Variants in PHF19 observed in about 807,000 individuals in gnomAD.
PHF19 encodes polycomb like 3.
A neutral mutation model predicts 79.8 loss-of-function variants in PHF19; 21 were observed. That is an observed-to-expected ratio of 0.26 (90% CI 0.19 to 0.38). PHF19 has a LOEUF of 0.38. Ranked by LOEUF, PHF19 falls within the 10% of genes least tolerant of loss-of-function variation. The probability of loss-of-function intolerance (pLI) is 1.00; values close to 1 mark genes in which losing one functional copy is unlikely to be tolerated. For missense variants in PHF19, 445 were observed against 744.2 expected (o/e 0.60, Z 4.68); for synonymous variants, 273 against 296.3 (o/e 0.92, Z 0.81).
chr9:120,885,073 G>C (rs2046244264), intron 1 of PHF19, among the ~76,000 whole-genome samples: 1 of 151,990 alleles, frequency 6.6e-6, no homozygotes, highest in Admixed American at 6.6e-5. Context: ...AAATAAATTA[G>C]CTGGGGTGGT....
At chr9:120,894,860 C>T in exon 1 of PHF19, 3 of 1,194,248 alleles carry the variant, frequency 2.5e-6, no homozygotes, top group African/African-American at 1.6e-5. Context: ...CATCCGGAGG[C>T]TTTGATGAAT....
In PHF19 at chr9:120,862,899, C is replaced by T; in HGVS notation, c.969-150G>A. Reference sequence around the variant, plus strand: ...CTGCAGATGCTGACTTCCTCAAAGCCCATGGGATGCGGGGTTCCAGGTAGC... The same window carrying T: ...CTGCAGATGCTGACTTCCTCAAAGCTCATGGGATGCGGGGTTCCAGGTAGC... On this transcript the variant is annotated intron_variant, in intron 10 of 14. Coordinates refer to ENST00000373896, the MANE Select transcript of PHF19 (RefSeq NM_015651.3). This position sits in a 1 kb window ranked among gnomAD's most constrained non-coding sequence, Gnocchi z 4.6. 1.4e-6 allele frequency: 1 copy of T among 695,764 alleles called. No homozygotes were observed. Among genetic ancestry groups the T allele is most frequent in the Non-Finnish European group, 2.5e-6 (1 of 404,592 alleles). 43.1% of individuals were successfully genotyped at this position (695,764 alleles called of 1,614,324 possible).
chr9:120,870,820 C>T lies in PHF19; in HGVS notation c.269-282G>A, dbSNP rs2045874275. 6.6e-6 allele frequency among the ~76,000 whole-genome samples: 1 copy of T among 152,202 alleles called. No homozygotes were observed. Among genetic ancestry groups the T allele is most frequent in the Admixed American group, 6.5e-5 (1 of 15,278 alleles). ...GACATCAAACCCTTTGTTCTTTTGA[C>T]ACATCATGCTGCCTCTCCCGCCTTA... On this transcript the variant is annotated intron_variant, in intron 3 of 14. Transcript: ENST00000373896. This position sits in a 1 kb window ranked among gnomAD's most constrained non-coding sequence, Gnocchi z 4.4.
chr9:120,871,848 C>T (rs1487670544), intron 3 of PHF19, among the ~76,000 whole-genome samples: 1 of 151,550 alleles, frequency 6.6e-6, no homozygotes, highest in Non-Finnish European at 1.5e-5. Flanking sequence ...GACCAGCCTG[C>T]CCAATAGGGT....
intron 1 of PHF19, among the ~76,000 whole-genome samples, chr9:120,884,660 C>A (rs1275609002): frequency 2.0e-5 from 3 of 151,732 alleles, no homozygotes. Flanking sequence ...GTAATGCCAG[C>A]ACTTTGGGAG....
At chr9:120,877,349 G>T, upstream of PHF19, 2 of 981,344 alleles carry the variant, frequency 2.0e-6, no homozygotes, top group South Asian at 9.2e-5. Context: ...GCGAATTATT[G>T]ACGTCCCGCT....
upstream of PHF19, chr9:120,894,906 CAG>C (rs2046387153): frequency 2.7e-6 from 2 of 745,596 alleles, no homozygotes; most frequent in African/African-American, 1.8e-5. Flanking sequence ...TAGAAGGCGT[CAG>C]AGAGTCGACT....
At chr9:120,893,812 A>T (rs1378863843) in intron 1 of PHF19, among the ~76,000 whole-genome samples, 5 of 152,216 alleles carry the variant, frequency 3.3e-5, no homozygotes, top group Non-Finnish European at 1.5e-5. Context: ...GATCCCTGCG[A>T]TGGAAGGTGG....
At chr9:120,899,495 CA>C (rs1261417216), upstream of PHF19, among the ~76,000 whole-genome samples, 1,801 of 94,950 alleles carry the variant, frequency 0.019, 27 homozygotes, top group African/African-American at 0.053. Flanking sequence ...GACTCCGTCT[CA>C]AAAAAAAAAA....
intron 9 of PHF19, among the ~76,000 whole-genome samples, chr9:120,865,034 T>A (rs888915237): frequency 6.6e-6 from 1 of 152,290 alleles, no homozygotes; most frequent in Middle Eastern, 3.4e-3. Context: ...TTTAAAAAAA[T>A]TATCAAATAC....
chr9:120,895,077 T>C (rs957768649), upstream of PHF19, among the ~76,000 whole-genome samples: 1 of 152,136 alleles, frequency 6.6e-6, no homozygotes, highest in African/African-American at 2.4e-5. Flanking sequence ...AAGATGACAG[T>C]TGGGCTCAGA....
rs2045550820 is a variant in PHF19 at position 120,862,196 on chromosome 9, A to G, written c.1131-191T>C. Among the ~76,000 whole-genome samples the G allele has an allele frequency of 6.6e-6, 1 of 152,084 alleles. No homozygotes were observed. The highest frequency in any genetic ancestry group is 1.5e-5 in the Non-Finnish European group (1 of 67,998). On this transcript the variant is annotated intron_variant, in intron 11 of 14. Coordinates refer to ENST00000373896, the MANE Select transcript of PHF19 (RefSeq NM_015651.3). The surrounding 1 kb of genome is among the most constrained non-coding windows in gnomAD (Gnocchi z 4.6). Reference sequence around the variant, plus strand: ...GAGCAGTAGGGGTGGGAAGGTGTGGAGAAGGTATAGTGGGCAGAAAAAGAA... The same window carrying G: ...GAGCAGTAGGGGTGGGAAGGTGTGGGGAAGGTATAGTGGGCAGAAAAAGAA...
upstream of PHF19, among the ~76,000 whole-genome samples, chr9:120,895,235 TC>T (rs1050225970): frequency 1.3e-5 from 2 of 152,132 alleles, no homozygotes; most frequent in African/African-American, 4.8e-5. Context: ...TACCCTGGCC[TC>T]CCTGGAGGCT....
intron 1 of PHF19, among the ~76,000 whole-genome samples, chr9:120,888,704 C>G (rs2270231): frequency 0.69 from 104,091 of 151,950 alleles, 35,919 homozygotes; most frequent in Middle Eastern, 0.8. Context: ...CTGGAGGGTA[C>G]TGAAGGTACA....
rs2045873870 is a variant in PHF19 at position 120,870,813 on chromosome 9, C to T, written c.269-275G>A. Among the ~76,000 whole-genome samples, 1 of 152,180 alleles carries T rather than the reference C, an allele frequency of 6.6e-6. No homozygotes were observed. Among genetic ancestry groups the T allele is most frequent in the South Asian group, 2.1e-4 (1 of 4,834 alleles). Reference sequence around the variant, plus strand: ...GCTGTTTGACATCAAACCCTTTGTTCTTTTGACACATCATGCTGCCTCTCC... The same window carrying T: ...GCTGTTTGACATCAAACCCTTTGTTTTTTTGACACATCATGCTGCCTCTCC... On this transcript the variant is annotated intron_variant, in intron 3 of 14. Transcript: ENST00000373896. This position sits in a 1 kb window ranked among gnomAD's most constrained non-coding sequence, Gnocchi z 4.4.
chr9:120,868,876 T>G, intron 6 of PHF19: 1 of 1,115,144 alleles, frequency 9.0e-7, no homozygotes, highest in Admixed American at 5.1e-5. Context: ...CCCCAAGGTC[T>G]AACCTTCCGG....
intron 9 of PHF19, 74 bp from the exon 10 acceptor site, chr9:120,864,190 TC>T: frequency 8.3e-7 from 1 of 1,210,434 alleles, no homozygotes; most frequent in South Asian, 1.3e-5. Context: ...CCCTACTCCC[TC>T]CCTTCCATCT....
chr9:120,883,586 C>G (rs2046219988), intron 1 of PHF19, among the ~76,000 whole-genome samples: 1 of 151,992 alleles, frequency 6.6e-6, no homozygotes, highest in African/African-American at 2.4e-5. Flanking sequence ...TGGTGAAATC[C>G]CATCTCTACC....
At position 120,862,520 on chromosome 9, in the gene PHF19, T is replaced by C. The variant is rs1203450489; in HGVS notation, c.1130+68A>G. ...GGGACTGGCTGGGTGCAGGTCCTCCTTGCTTGCTTGGAAGCAGAGAAACCG... is the reference window on the plus strand; with the variant it reads ...GGGACTGGCTGGGTGCAGGTCCTCCCTGCTTGCTTGGAAGCAGAGAAACCG... On this transcript the variant is annotated intron_variant, in intron 11 of 14. Coordinates refer to ENST00000373896, the MANE Select transcript of PHF19 (RefSeq NM_015651.3). The surrounding 1 kb of genome is among the most constrained non-coding windows in gnomAD (Gnocchi z 4.6). 1.2e-5 allele frequency: 18 copies of C among 1,460,806 alleles called. No homozygotes were observed. The Admixed American group carries it at 1.5e-4, about 12-fold the overall frequency. The allele number at this position is 1,460,806 out of a possible 1,614,324, so 90.5% of individuals were successfully genotyped here.
Sources: allele counts gnomAD v4.1 joint callset (sites outside exome capture counted in the v4.1 genomes callset), GRCh38; gene constraint gnomAD v4.1.1; non-coding constraint Gnocchi (gnomAD v3.1); transcripts MANE v1.5; gene names NCBI Gene and HGNC (gene_info 2026-07-23, HGNC 2026-07-21).